The following CGNL1 variants were observed in gnomAD, a reference collection of about 807,000 sequenced individuals.
The protein encoded by CGNL1 is cingulin like 1.
Under a neutral mutation model 141.2 loss-of-function variants are expected in CGNL1, and 132 were observed. The ratio of observed to expected loss-of-function variants is 0.93; its 90% confidence interval spans 0.81 to 1.08. The LOEUF (loss-of-function observed/expected upper bound fraction) is 1.08. Among genes scored for constraint, CGNL1 ranks in the 50% least tolerant of loss-of-function variants. The pLI, the probability that CGNL1 is intolerant of heterozygous loss-of-function variation, is 0.00. For missense variants in CGNL1, 1,870 were observed against 1,588.6 expected (o/e 1.18, Z -3.01); for synonymous variants, 690 against 622.1 (o/e 1.11, Z -1.63).
chr15:57,447,805 C>CGTGTGTGTGTGT (rs3985737), intron 4 of CGNL1, among the ~76,000 whole-genome samples: 105 of 144,466 alleles, frequency 7.3e-4, no homozygotes, highest in African/African-American at 2.6e-3. Context: ...TCTCTCTTTT[C>CGTGTGTGTGTGT]GTGTGTGTGT....
chr15:57,473,288 A>G (rs1403554388), intron 8 of CGNL1, among the ~76,000 whole-genome samples: 1 of 152,208 alleles, frequency 6.6e-6, no homozygotes, highest in Admixed American at 6.5e-5. Context: ...ATATTTTTCT[A>G]AAGACTTGCC....
At chr15:57,437,716 G>C (rs776659271) in intron 1 of CGNL1, among the ~76,000 whole-genome samples, 2 of 150,618 alleles carry the variant, frequency 1.3e-5, no homozygotes, top group Non-Finnish European at 2.9e-5. Flanking sequence ...AAAGTGTCAG[G>C]TCATTACACG....
intron 3 of CGNL1, among the ~76,000 whole-genome samples, 169 bp from the exon 4 acceptor site, chr15:57,442,204 G>C (rs1431889712): frequency 5.9e-5 from 3 of 50,992 alleles, no homozygotes; most frequent in African/African-American, 1.6e-4. Context: ...AAAAAAAAAA[G>C]ACACCATCCA....
chr15:57,496,424 T>C (rs1363209576), intron 8 of CGNL1, among the ~76,000 whole-genome samples: 7 of 152,058 alleles, frequency 4.6e-5, no homozygotes, highest in Non-Finnish European at 8.8e-5. Context: ...ATGCGAGGGA[T>C]CTAGGTTGCA....
intron 1 of CGNL1, among the ~76,000 whole-genome samples, chr15:57,396,133 T>A (rs2062599392): frequency 6.6e-6 from 1 of 152,230 alleles, no homozygotes; most frequent in East Asian, 1.9e-4. Flanking sequence ...TTGTTTTTCC[T>A]CATTGCTAAA....
At chr15:57,433,158 A>G (rs2063065240) in intron 1 of CGNL1, among the ~76,000 whole-genome samples, 1 of 152,232 alleles carries the variant, frequency 6.6e-6, no homozygotes. Context: ...ACAAATATGA[A>G]GACTTCTAGA....
Position 57,437,067 on chromosome 15 carries a change from CAA to C in CGNL1, c.-15-916_-15-915del, listed in dbSNP as rs200716963. Among the ~76,000 whole-genome samples the C allele has an allele frequency of 8.4e-4, 128 of 151,976 alleles. 2 individuals are homozygous for C. In the East Asian group the frequency reaches 0.023, roughly 27 times the overall value. On this transcript the variant is annotated intron_variant, in intron 1 of 18. Coordinates refer to ENST00000281282, the MANE Select transcript of CGNL1 (RefSeq NM_032866.5). ...GAGTCCCTTTGCCATTGCTGTTTTG[CAA>C]AGTGTTAGAAGTGAATTTCTGGTGA...
chr15:57,536,259 C>T (rs1361391694), intron 14 of CGNL1, among the ~76,000 whole-genome samples: 2 of 152,196 alleles, frequency 1.3e-5, no homozygotes, highest in Non-Finnish European at 2.9e-5. Flanking sequence ...CTGGGTCCCT[C>T]CCACAACACG....
intron 1 of CGNL1, among the ~76,000 whole-genome samples, chr15:57,423,124 C>T (rs1014371019): frequency 6.6e-6 from 1 of 152,146 alleles, no homozygotes; most frequent in Non-Finnish European, 1.5e-5. Context: ...GGAGGTATTT[C>T]CATATGCTTC....
intron 1 of CGNL1, chr15:57,377,088 C>G (rs374258758): frequency 6.6e-6 from 1 of 152,280 alleles, no homozygotes; most frequent in African/African-American, 2.4e-5. Flanking sequence ...CCGAGAGAGC[C>G]CCCGCCTCAC....
At chr15:57,461,542 G>T in intron 7 of CGNL1, 138 bp from the exon 8 acceptor site, 1 of 723,068 alleles carries the variant, frequency 1.4e-6, no homozygotes, top group South Asian at 1.6e-5. Context: ...CTAAACAGGT[G>T]TGCGGGATGT....
chr15:57,546,358 G>A, intron 18 of CGNL1, 119 bp downstream of exon 18: 1 of 1,245,678 alleles, frequency 8.0e-7, no homozygotes, highest in Non-Finnish European at 1.1e-6. Flanking sequence ...TTGCTTTTGG[G>A]GTTATCGTAT....
At position 57,543,777 on chromosome 15, in the gene CGNL1, C is replaced by G. The variant is rs376851733; in HGVS notation, c.3373C>G (p.Gln1125Glu). The G allele has an allele frequency of 8.7e-6, 14 of 1,612,990 alleles. No individual in the cohort carries two copies. In the African/African-American group the frequency reaches 1.9e-4, roughly 22 times the overall value. Residue 1125 changes from glutamine to glutamate, a missense_variant and splice_region_variant, in exon 15 of 19, where the codon CAG becomes GAG. Transcript: ENST00000281282. ...LECDKISLER[Q>E]NKDLKSRIIH... Reference sequence around the variant, plus strand: ...GTGCGACAAGATTTCCCTGGAGAGGCAGGTGAGGGCAGCCAGCCTGTGAGC... The same window carrying G: ...GTGCGACAAGATTTCCCTGGAGAGGGAGGTGAGGGCAGCCAGCCTGTGAGC...
chr15:57,462,002 C>T, intron 8 of CGNL1, 110 bp downstream of exon 8: 1 of 799,400 alleles, frequency 1.3e-6, no homozygotes, highest in South Asian at 1.6e-5. Flanking sequence ...GAGTGAATCT[C>T]AATTCATCAG....
chr15:57,430,844 C>A (rs1196699136), intron 1 of CGNL1, among the ~76,000 whole-genome samples: 2 of 152,200 alleles, frequency 1.3e-5, no homozygotes, highest in Admixed American at 1.3e-4. Context: ...CCTCAGCCTC[C>A]CAAGTAGCTG....
At chr15:57,494,130 C>T (rs1351178534) in intron 8 of CGNL1, among the ~76,000 whole-genome samples, 1 of 152,214 alleles carries the variant, frequency 6.6e-6, no homozygotes, top group Non-Finnish European at 1.5e-5. Flanking sequence ...GGGATGTAGG[C>T]TCCAAAGACC....
chr15:57,438,042 T>A lies in CGNL1; in HGVS notation c.43T>A (p.Tyr15Asn), dbSNP rs139101816. The part of the protein sequence containing the change: ...FGEYQHVQQE[Y>N]GVHLRLASDD... ...TGAATATCAACATGTGCAGCAGGAA[T>A]ATGGGGTCCATCTGAGACTCGCAAG... is the stretch of plus-strand genomic sequence containing the variant. Residue 15 changes from tyrosine to asparagine, a missense_variant, in exon 2 of 19, where the codon TAT becomes AAT. Coordinates refer to ENST00000281282, the MANE Select transcript of CGNL1 (RefSeq NM_032866.5). The A allele has an allele frequency of 5.6e-6, 9 of 1,613,736 alleles. No homozygotes were observed. In the African/African-American group the frequency reaches 1.1e-4, roughly 19 times the overall value.
chr15:57,396,215 A>G (rs1233001313), intron 1 of CGNL1, among the ~76,000 whole-genome samples: 1 of 150,154 alleles, frequency 6.7e-6, no homozygotes, highest in Non-Finnish European at 1.5e-5. Context: ...TCTACTGTTG[A>G]TGGACTTTGG....
chr15:57,459,951 C>T (rs1171693702), intron 7 of CGNL1, among the ~76,000 whole-genome samples: 1 of 152,048 alleles, frequency 6.6e-6, no homozygotes, highest in African/African-American at 2.4e-5. Flanking sequence ...GGTTTGAACT[C>T]AGAGAAGGGT....
Sources: allele counts gnomAD v4.1 joint callset (sites outside exome capture counted in the v4.1 genomes callset), GRCh38; gene constraint gnomAD v4.1.1; transcripts MANE v1.5; gene names NCBI Gene and HGNC (gene_info 2026-07-23, HGNC 2026-07-21).